Variants in SERPINB3 observed in about 807,000 individuals in gnomAD.
SERPINB3 encodes serpin B3.
In SERPINB3, 33 loss-of-function variants were observed where a neutral mutation model predicts 33.0. The ratio of observed to expected loss-of-function variants is 1.00; its 90% CI spans 0.76 to 1.34. The LOEUF (loss-of-function observed/expected upper bound fraction) is 1.34. SERPINB3 is among the 40% of genes most tolerant of loss of function. SERPINB3 has a pLI of 0.00. For synonymous variants in SERPINB3, 200 were observed against 170.9 expected (o/e 1.17, Z -1.33); for missense variants, 518 against 461.5 (o/e 1.12, Z -1.12).
intron 4 of SERPINB3, among the ~76,000 whole-genome samples, 173 bp from the exon 5 acceptor site, chr18:63,658,803 G>A (rs1229419236): frequency 6.6e-6 from 1 of 152,156 alleles, no homozygotes; most frequent in South Asian, 2.1e-4. Context: ...CAAAAGCGGA[G>A]TGCGGGCTGG....
Position 63,655,631 on chromosome 18 carries a change from C to T in SERPINB3, c.*26G>A, listed in dbSNP as rs1047257. On this transcript the variant is annotated 3_prime_UTR_variant, in exon 8 of 8. Transcript: ENST00000283752. Reference sequence around the variant, plus strand: ...AGAACATCTGCAGGTGAACATTTTCCAAATGGAGTGACAGACTAATTGCAT... The same window carrying T: ...AGAACATCTGCAGGTGAACATTTTCTAAATGGAGTGACAGACTAATTGCAT... 0.01 allele frequency: 15,948 copies of T among 1,565,426 alleles called. 1,092 individuals carry two copies. In the African/African-American group the frequency reaches 0.17, roughly 16 times the overall value.
rs769414661 is a variant in SERPINB3 at position 63,660,831 on chromosome 18, T to C, written c.191A>G (p.Glu64Gly). Residue 64 changes from glutamate (E) to glycine (G), a missense_variant, in exon 3 of 8, where the codon GAG (glutamate) becomes GGG (glycine). Transcript: ENST00000283752. ...KKVLHFDQVT[E>G]NTTGKAATYH... Reference sequence around the variant, plus strand: ...TGTTGCAGCTTTTCCTGTGGTGTTCTCTGTGACTTGATCAAAGTGAAGAAC... The same window carrying C: ...TGTTGCAGCTTTTCCTGTGGTGTTCCCTGTGACTTGATCAAAGTGAAGAAC... 3.1e-6 allele frequency: 5 copies of C among 1,613,406 alleles called. No homozygotes were observed. In the South Asian group the frequency reaches 5.5e-5, roughly 18 times the overall value.
At position 63,661,169 on chromosome 18, in the gene SERPINB3, G is replaced by T; in HGVS notation, c.48C>A (p.Phe16Leu). 3.7e-6 allele frequency: 6 copies of T among 1,613,586 alleles called. No homozygotes were observed. The highest frequency in any genetic ancestry group is 5.1e-6 in the Non-Finnish European group (6 of 1,179,610). ...EANTKFMFDL[F>L]QQFRKSKENN... ...TCTCTTTTGATTTTCTGAACTGTTG[G>T]AACAGGTCGAACATGAACTTGGTGT... Residue 16 changes from phenylalanine (F) to leucine (L), a missense_variant, in exon 2 of 8, where the codon TTC (phenylalanine) becomes TTA (leucine). Coordinates refer to ENST00000283752, the MANE Select transcript of SERPINB3 (RefSeq NM_006919.3).
At position 63,655,738 on chromosome 18, in the gene SERPINB3, A is replaced by G. The variant is rs1004633937; in HGVS notation, c.1092T>C (p.His364=). 7 of 1,613,830 alleles carry G rather than the reference A, an allele frequency of 4.3e-6. No individual in the cohort carries two copies. The African/African-American group carries it at 5.3e-5, about 12-fold the overall frequency. ...SSPTSTNEEF[H]CNHPFLFFIR... ...TGAAGAATAGGAAAGGGTGATTACA[A>G]TGGAACTCTTCATTAGTTGAAGTAG... Residue 364 remains histidine, a synonymous_variant, in exon 8 of 8, where the codon CAT becomes CAC. Transcript: ENST00000283752.
At chr18:63,661,320 A>C in intron 1 of SERPINB3, 78 bp from the exon 2 acceptor site, 10 of 1,439,412 alleles carry the variant, frequency 6.9e-6, no homozygotes, top group Non-Finnish European at 9.5e-6. Flanking sequence ...TCTTAAAGAA[A>C]TTATATATCT....
At chr18:63,660,961 A>C (rs1913627424) in intron 2 of SERPINB3, 91 bp downstream of exon 2, 1 of 1,609,084 alleles carries the variant, frequency 6.2e-7, no homozygotes, top group Admixed American at 1.7e-5. Context: ...TGTGCTACCC[A>C]TCAGACCACC....
At position 63,655,516 on chromosome 18, in the gene SERPINB3, T is replaced by G; in HGVS notation, c.*141A>C. The G allele has an allele frequency of 1.1e-6, 1 of 901,550 alleles. No homozygotes were observed. Among genetic ancestry groups the G allele is most frequent in the Admixed American group, 2.4e-5 (1 of 41,186 alleles). 55.8% of individuals were successfully genotyped at this position (901,550 alleles called of 1,614,324 possible). On this transcript the variant is annotated 3_prime_UTR_variant, in exon 8 of 8. Transcript: ENST00000283752. ...GAGAAAGGCATGCTATTTTAATCATTAAATTCTTGATGATGACGATCATCA... is the reference window on the plus strand; with the variant it reads ...GAGAAAGGCATGCTATTTTAATCATGAAATTCTTGATGATGACGATCATCA...
rs199869907 is a variant in SERPINB3, at chr18:63,656,007, T to G, written c.823A>C (p.Met275Leu). Residue 275 changes from methionine to leucine, a missense_variant, in exon 8 of 8, where the codon ATG becomes CTG. By Grantham distance (15) the Met-to-Leu change is conservative. Transcript: ENST00000283752. ...TGTAAATCGACACGTGTCTCTCTCA[T>G]ATTCTGCAAACTTGTCCATTCCATC... ...KLMEWTSLQNMRETRVDLHLP... is the reference protein window; with the variant it reads ...KLMEWTSLQNLRETRVDLHLP... The G allele has an allele frequency of 3.7e-6, 6 of 1,613,952 alleles. No individual in the cohort carries two copies. The East Asian group carries it at 1.3e-4, about 36-fold the overall frequency.
Position 63,661,111 on chromosome 18 carries a change from A to C in SERPINB3, c.106T>G (p.Ser36Ala). The C allele has an allele frequency of 6.2e-7, 1 of 1,613,612 alleles. No individual in the cohort carries two copies. Among genetic ancestry groups the C allele is most frequent in the South Asian group, 1.1e-5 (1 of 91,068 alleles). The change falls in exon 2 of 8, where the codon TCA becomes GCA. Residue 36 changes from serine to alanine, a missense_variant. Ser to Ala is a moderately conservative substitution (Grantham distance 99, BLOSUM62 1). Transcript: ENST00000283752. ...CCTAAGAGGACCATCCCTAATGCTGATGTGATGCTGATAGGGGAATAGAAG... is the reference window on the plus strand; with the variant it reads ...CCTAAGAGGACCATCCCTAATGCTGCTGTGATGCTGATAGGGGAATAGAAG... Reference protein sequence around the residue: ...NIFYSPISITSALGMVLLGAK... With the variant: ...NIFYSPISITAALGMVLLGAK...
Position 63,656,907 on chromosome 18 carries a change from A to T in SERPINB3, c.692T>A (p.Val231Asp). The change falls in exon 7 of 8, where the codon GTC (valine) becomes GAC (aspartate). Residue 231 changes from valine (V) to aspartate (D), a missense_variant. By Grantham distance (152) the Val-to-Asp change is radical. Coordinates refer to ENST00000283752, the MANE Select transcript of SERPINB3 (RefSeq NM_006919.3). Reference sequence around the variant, plus strand: ...TTTGCCTTTGTATGGTATTTCCAGGACCTTGGCCTGTACATCCTCCAGCGA... The same window carrying T: ...TTTGCCTTTGTATGGTATTTCCAGGTCCTTGGCCTGTACATCCTCCAGCGA... The part of the protein sequence containing the change: ...FASLEDVQAK[V>D]LEIPYKGKDL... 1 of 1,613,560 alleles carries T rather than the reference A, an allele frequency of 6.2e-7. No homozygotes were observed.
chr18:63,660,742 G>T (rs371221073), intron 3 of SERPINB3, 58 bp downstream of exon 3: 163 of 1,609,248 alleles, frequency 1.0e-4, no homozygotes, highest in Non-Finnish European at 1.3e-4. Flanking sequence ...GAAGTTCCAG[G>T]TTCAAACTAT....
At chr18:63,657,211 A>G in intron 6 of SERPINB3, 59 bp downstream of exon 6, 1 of 1,001,008 alleles carries the variant, frequency 1.0e-6, no homozygotes, top group Non-Finnish European at 1.4e-6. Flanking sequence ...GGTACATTCC[A>G]TCAGAAATGT....
Position 63,655,824 on chromosome 18 carries a change from C to A in SERPINB3, c.1006G>T (p.Val336Phe), listed in dbSNP as rs536875393. 3 of 1,614,026 alleles carry A rather than the reference C, an allele frequency of 1.9e-6. No individual in the cohort carries two copies. Among genetic ancestry groups the A allele is most frequent in the Non-Finnish European group, 2.5e-6 (3 of 1,179,954 alleles). The change falls in exon 8 of 8, where the codon GTT (valine) becomes TTT (phenylalanine). Residue 336 changes from valine (V) to phenylalanine (F), a missense_variant. Physicochemically the swap from Val to Phe is conservative, Grantham distance 50. Transcript: ENST00000283752. Reference sequence around the variant, plus strand: ...GCAGCTTCTGCTCCCTCCTCTGTAACCTCCACAAAGGCCTTGTGTAGGACT... The same window carrying A: ...GCAGCTTCTGCTCCCTCCTCTGTAAACTCCACAAAGGCCTTGTGTAGGACT... Reference protein sequence around the residue: ...SGVLHKAFVEVTEEGAEAAAA... With the variant: ...SGVLHKAFVEFTEEGAEAAAA...
chr18:63,655,419 G>A lies in SERPINB3; in HGVS notation c.*238C>T. ...GGTATTAAGTGATTCATCTTATTTTGGACATTTTTCCTCAAGGAGAATTTT... is the reference window on the plus strand; with the variant it reads ...GGTATTAAGTGATTCATCTTATTTTAGACATTTTTCCTCAAGGAGAATTTT... On this transcript the variant is annotated 3_prime_UTR_variant, in exon 8 of 8. Coordinates refer to ENST00000283752, the MANE Select transcript of SERPINB3 (RefSeq NM_006919.3). The A allele has an allele frequency of 2.2e-6, 1 of 463,042 alleles. No individual in the cohort carries two copies. Among genetic ancestry groups the A allele is most frequent in the South Asian group, 4.8e-5 (1 of 20,830 alleles). The allele number at this position is 463,042 out of a possible 1,614,324, so 28.7% of individuals were successfully genotyped here.
chr18:63,661,340 G>A, intron 1 of SERPINB3, 98 bp from the exon 2 acceptor site: 3 of 1,328,892 alleles, frequency 2.3e-6, no homozygotes, highest in Middle Eastern at 2.0e-4. Flanking sequence ...TGTGTTGTGA[G>A]ATTTTGACAT....
intron 4 of SERPINB3, among the ~76,000 whole-genome samples, chr18:63,659,129 G>T (rs1394886583): frequency 6.6e-6 from 1 of 151,988 alleles, no homozygotes; most frequent in East Asian, 1.9e-4. Context: ...TTTATCGATG[G>T]TATCTTATTA....
In SERPINB3 at chr18:63,658,747, A is replaced by G. The variant is rs1025512427; in HGVS notation, c.352-117T>C. On this transcript the variant is annotated intron_variant, in intron 4 of 7. Transcript: ENST00000283752. Reference sequence around the variant, plus strand: ...AATCCAGACCCTGAATAGATGCAGTATCTCCTGTCCATGCATATTTTTATA... The same window carrying G: ...AATCCAGACCCTGAATAGATGCAGTGTCTCCTGTCCATGCATATTTTTATA... 4 of 762,416 alleles carry G rather than the reference A, an allele frequency of 5.2e-6. No homozygotes were observed. In the African/African-American group the frequency reaches 5.3e-5, roughly 10 times the overall value. 47.2% of individuals were successfully genotyped at this position (762,416 alleles called of 1,614,324 possible). A position where few individuals can be genotyped will look rare whatever the true frequency, so the allele number is the denominator to read the frequency against.
intron 7 of SERPINB3, 24 bp from the exon 8 acceptor site, chr18:63,656,085 T>C: frequency 1.2e-6 from 2 of 1,604,198 alleles, no homozygotes; most frequent in Non-Finnish European, 1.7e-6. Flanking sequence ...AAAAAGAAAC[T>C]GATATGACTA....
In SERPINB3 at chr18:63,655,371, T is replaced by C. The variant is rs1913464750; in HGVS notation, c.*286A>G. ...ATTTAAAACAGGTCACAAACAGAAT[T>C]ATATTTCAAATTTAGAAGATACGGT... On this transcript the variant is annotated 3_prime_UTR_variant, in exon 8 of 8. Transcript: ENST00000283752. 1 of 298,622 alleles carries C rather than the reference T, an allele frequency of 3.3e-6. No individual in the cohort carries two copies. 18.5% of individuals were successfully genotyped at this position (298,622 alleles called of 1,614,324 possible).
Sources: allele counts gnomAD v4.1 joint callset (sites outside exome capture counted in the v4.1 genomes callset), GRCh38; gene constraint gnomAD v4.1.1; transcripts MANE v1.5; gene names NCBI Gene and HGNC (gene_info 2026-07-23, HGNC 2026-07-21).